The following ELP2 variants were observed in gnomAD, a reference collection of about 807,000 sequenced individuals.
ELP2 encodes elongator complex protein 2.
A neutral mutation model predicts 119.2 loss-of-function variants in ELP2; 90 were observed. That is an observed-to-expected ratio of 0.75 (90% CI 0.64 to 0.90). ELP2 has a LOEUF of 0.90. ELP2 is among the 40% of genes least tolerant of loss of function. The pLI is 0.00. For missense variants in ELP2, 921 were observed against 967.8 expected, an observed-to-expected ratio of 0.95 and a Z score of 0.64; for synonymous variants, 339 against 331.0, an observed-to-expected ratio of 1.02 and a Z score of -0.26.
At position 36,138,780 on chromosome 18, in the gene ELP2, T is replaced by C. The variant is rs1439072744; in HGVS notation, c.446-15T>C. The C allele has an allele frequency of 6.2e-7, 1 of 1,608,376 alleles. No individual in the cohort carries two copies. Among genetic ancestry groups the C allele is most frequent in the Non-Finnish European group, 8.5e-7 (1 of 1,174,878 alleles). ...AGGTAGTTAGTTGTTCATTGTGTTTTTTATTATTTCTTAGTAATGTGCCTT... is the reference window on the plus strand; with the variant it reads ...AGGTAGTTAGTTGTTCATTGTGTTTCTTATTATTTCTTAGTAATGTGCCTT... On this transcript the variant is annotated splice_polypyrimidine_tract_variant and intron_variant, in intron 4 of 21. Transcript: ENST00000358232.
chr18:36,138,500 T>C lies in ELP2; in HGVS notation c.445+74T>C, dbSNP rs888090940. ...AATGAATGACGAGTAGAAGAGCATA[T>C]ATATAATTCTTTACAACTTTGGAGC... is the stretch of plus-strand genomic sequence containing the variant. On this transcript the variant is annotated intron_variant, in intron 4 of 21. Transcript: ENST00000358232. The C allele has an allele frequency of 5.4e-6, 8 of 1,471,064 alleles. No homozygotes were observed. The African/African-American group carries it at 9.8e-5, about 18-fold the overall frequency. The allele number at this position is 1,471,064 out of a possible 1,614,324, so 91.1% of individuals were successfully genotyped here. A position where few individuals can be genotyped will look rare whatever the true frequency, so the allele number is the denominator to read the frequency against.
chr18:36,150,006 T>A (rs532426470), intron 11 of ELP2, among the ~76,000 whole-genome samples: 1 of 152,352 alleles, frequency 6.6e-6, no homozygotes, highest in East Asian at 1.9e-4. Flanking sequence ...TTCTGGTTTT[T>A]TTATGGCATG....
intron 11 of ELP2, among the ~76,000 whole-genome samples, chr18:36,152,909 A>T (rs1334487026): frequency 2.0e-5 from 3 of 152,098 alleles, no homozygotes. Flanking sequence ...TTAGCACTAC[A>T]CCCTTTGGTT....
At chr18:36,149,639 T>A (rs931872668) in intron 11 of ELP2, among the ~76,000 whole-genome samples, 1 of 151,750 alleles carries the variant, frequency 6.6e-6, no homozygotes, top group Non-Finnish European at 1.5e-5. Context: ...AAAAAAAATA[T>A]AGTCATTTTA....
intron 11 of ELP2, among the ~76,000 whole-genome samples, chr18:36,151,742 GTTTTTTTTTTTTT>G (rs71166098): frequency 4.6e-5 from 5 of 109,820 alleles, no homozygotes; most frequent in African/African-American, 1.4e-4. Flanking sequence ...GTTCTGTTCT[GTTTTTTTTTTTTT>G]TTTTTTTTTT....
In ELP2 at chr18:36,144,971, A is replaced by G. The variant is rs746568871; in HGVS notation, c.829A>G (p.Thr277Ala). 35 of 1,613,974 alleles carry G rather than the reference A, an allele frequency of 2.2e-5. No individual in the cohort carries two copies. The highest frequency in any genetic ancestry group is 2.8e-5 in the Non-Finnish European group (33 of 1,179,878). ...VKIAFAVTLE[T>A]VLAGHENWVN... The stretch of plus-strand genomic sequence containing the variant: ...AATAGCATTTGCTGTTACTCTGGAG[A>G]CAGTGCTAGCCGGTCATGAAAACTG... Residue 277 changes from threonine to alanine, a missense_variant, in exon 9 of 22, where the codon ACA becomes GCA. Physicochemically the swap from Thr to Ala is moderately conservative, Grantham distance 58 (BLOSUM62 0). Coordinates refer to ENST00000358232, the MANE Select transcript of ELP2 (RefSeq NM_018255.4).
rs963330078 is a variant in ELP2, at chr18:36,139,423, C to T, written c.523+551C>T. 2.0e-5 allele frequency: 30 copies of T among 1,535,244 alleles called. No homozygotes were observed. The Admixed American group carries it at 3.5e-4, about 18-fold the overall frequency. ...TCAGCCTCTTTGCCTCCACAGTTAC[C>T]TGGAAGACTGGCCAGGTGGAACGAG... is the stretch of plus-strand genomic sequence containing the variant. On this transcript the variant is annotated intron_variant, in intron 5 of 21. Coordinates refer to ENST00000358232, the MANE Select transcript of ELP2 (RefSeq NM_018255.4).
At chr18:36,141,882 G>A (rs944598718) in intron 6 of ELP2, among the ~76,000 whole-genome samples, 6 of 151,790 alleles carry the variant, frequency 4.0e-5, no homozygotes, top group African/African-American at 1.5e-4. Flanking sequence ...GTAGACACAG[G>A]GTCTCACTTT....
intron 11 of ELP2, 21 bp from the exon 12 acceptor site, chr18:36,154,829 A>ATATGAGCAC: frequency 6.2e-7 from 1 of 1,613,754 alleles, no homozygotes; most frequent in Non-Finnish European, 8.5e-7. Flanking sequence ...TTGATATGTG[A>ATATGAGCAC]TATGAGCACT....
intron 11 of ELP2, among the ~76,000 whole-genome samples, chr18:36,153,060 A>T (rs1428852470): frequency 6.6e-6 from 1 of 152,160 alleles, no homozygotes; most frequent in Admixed American, 6.5e-5. Flanking sequence ...GCTCGCACCC[A>T]CATTTTGAGC....
chr18:36,173,097 C>G (rs993083874), intron 21 of ELP2, among the ~76,000 whole-genome samples: 4 of 152,230 alleles, frequency 2.6e-5, no homozygotes, highest in African/African-American at 9.6e-5. Flanking sequence ...CCCACTATCT[C>G]AAAGCTTACA....
intron 21 of ELP2, among the ~76,000 whole-genome samples, chr18:36,173,093 A>G (rs1445020823): frequency 6.6e-6 from 1 of 152,226 alleles, no homozygotes; most frequent in Non-Finnish European, 1.5e-5. Flanking sequence ...GAAACCCACT[A>G]TCTCAAAGCT....
At position 36,179,771 on chromosome 18, in the gene ELP2, C is replaced by G. The variant is rs1040998805; in HGVS notation, c.*5130C>G. 1 of 152,282 alleles carries G rather than the reference C, an allele frequency of 6.6e-6. No homozygotes were observed. Among genetic ancestry groups the G allele is most frequent in the African/African-American group, 2.4e-5 (1 of 41,464 alleles). 9.4% of individuals were successfully genotyped at this position (152,282 alleles called of 1,614,324 possible). ...TGCCCCTGCTACCCTTAGTCTTTGG[C>G]TTTTGCTGACATTTTCCCCTCTTAT... On this transcript the variant is annotated 3_prime_UTR_variant, in exon 22 of 22. Transcript: ENST00000358232.
At position 36,178,589 on chromosome 18, in the gene ELP2, T is replaced by A. The variant is rs1396540522; in HGVS notation, c.*3948T>A. 1 of 152,172 alleles carries A rather than the reference T, an allele frequency of 6.6e-6. No homozygotes were observed. Among genetic ancestry groups the A allele is most frequent in the Non-Finnish European group, 1.5e-5 (1 of 68,034 alleles). The allele number at this position is 152,172 out of a possible 1,614,324, so 9.4% of individuals were successfully genotyped here. A position where few individuals can be genotyped will look rare whatever the true frequency, so the allele number is the denominator to read the frequency against. On this transcript the variant is annotated 3_prime_UTR_variant, in exon 22 of 22. Transcript: ENST00000358232. ...ATTTGATGATATTAAGGAAACAACA[T>A]TTAAACATATGACAGTGGGGCTATG... is the stretch of plus-strand genomic sequence containing the variant.
At chr18:36,138,125 T>A (rs1009827847) in intron 3 of ELP2, 145 bp from the exon 4 acceptor site, 18 of 716,770 alleles carry the variant, frequency 2.5e-5, no homozygotes, top group Non-Finnish European at 4.0e-5. Context: ...GTTGTTAACA[T>A]GGTCAGACAG....
At chr18:36,161,097 G>C in intron 17 of ELP2, 93 bp downstream of exon 17, 1 of 870,996 alleles carries the variant, frequency 1.1e-6, no homozygotes, top group South Asian at 1.3e-5. Flanking sequence ...AGAACTCTAC[G>C]TGAAAGGCCA....
intron 5 of ELP2, among the ~76,000 whole-genome samples, chr18:36,139,150 T>C (rs140557040): frequency 0.02 from 3,115 of 152,290 alleles, 69 homozygotes; most frequent in Admixed American, 0.062. Flanking sequence ...TGGATGTATA[T>C]AGGTCTAATT....
chr18:36,138,207 A>C, intron 3 of ELP2, 63 bp from the exon 4 acceptor site: 1 of 1,566,200 alleles, frequency 6.4e-7, no homozygotes, highest in South Asian at 1.1e-5. Context: ...ACATTTATCC[A>C]ATTAAATAAA....
At chr18:36,139,691 A>G in intron 5 of ELP2, 1 of 1,315,682 alleles carries the variant, frequency 7.6e-7, no homozygotes, top group Non-Finnish European at 1.0e-6. Flanking sequence ...TCTTTGAAAA[A>G]CACATTGGTG....
Sources: allele counts gnomAD v4.1 joint callset (sites outside exome capture counted in the v4.1 genomes callset), GRCh38; gene constraint gnomAD v4.1.1; transcripts MANE v1.5; gene names NCBI Gene and HGNC (gene_info 2026-07-23, HGNC 2026-07-21).